The following GLB1 variants were observed in gnomAD, a reference collection of about 807,000 sequenced individuals.
GLB1 encodes the protein galactosidase beta 1.
Under a neutral mutation model 74.0 loss-of-function variants are expected in GLB1, and 56 were observed. The observed-to-expected ratio is 0.76, with a 90% confidence interval of 0.61 to 0.94. The LOEUF is 0.94. GLB1 is among the 40% of genes least tolerant of loss of function. The pLI is 0.00. For synonymous variants in GLB1, 323 were observed against 323.6 expected (o/e 1.00, Z 0.02); for missense variants, 787 against 845.5 (o/e 0.93, Z 0.86).
At chr3:32,990,685 C>T in the GLB1 span, among the ~76,000 whole-genome samples, 12 of 152,246 alleles carry the variant, frequency 7.9e-5, no homozygotes, top group East Asian at 2.1e-3. Context: ...TAAAAAGATC[C>T]TATTGCAGTC....
chr3:32,995,591 T>C (rs1696293555), downstream of GLB1, among the ~76,000 whole-genome samples: 1 of 152,050 alleles, frequency 6.6e-6, no homozygotes, highest in Non-Finnish European at 1.5e-5. Context: ...CAGATATTTA[T>C]TAGTTGTGCC....
At chr3:33,062,145 AC>A (rs1261170596) in intron 5 of GLB1, among the ~76,000 whole-genome samples, 2 of 152,210 alleles carry the variant, frequency 1.3e-5, no homozygotes, top group Non-Finnish European at 2.9e-5. Flanking sequence ...TAAGACAGAG[AC>A]AGAAATCAGC....
intron 2 of GLB1, 139 bp from the exon 3 acceptor site, chr3:33,069,109 G>T: frequency 1.4e-6 from 2 of 1,442,272 alleles, no homozygotes; most frequent in African/African-American, 1.4e-5. Context: ...ATTATCCAAG[G>T]CTGGGCACAG....
chr3:33,021,657 T>A lies in GLB1; in HGVS notation c.1144-2A>T, dbSNP rs1553607014. ...CAGAGCTGCTCCCACTGTCTTTAAC[T>A]GAAAAGAAACAAAAGCAGCATTCAC... On this transcript the variant is annotated splice_acceptor_variant, in intron 11 of 15. Transcript: ENST00000307363. LOFTEE classifies it high-confidence loss of function. The A allele has an allele frequency of 6.2e-7, 1 of 1,613,330 alleles. No homozygotes were observed. Among genetic ancestry groups the A allele is most frequent in the Admixed American group, 1.7e-5 (1 of 59,914 alleles).
the GLB1 span, among the ~76,000 whole-genome samples, chr3:32,984,016 A>G: frequency 6.6e-6 from 1 of 152,092 alleles, no homozygotes; most frequent in East Asian, 1.9e-4. Flanking sequence ...AGGATTTCCC[A>G]AGTTTAGGAT....
chr3:33,007,318 G>A (rs1045937224), intron 15 of GLB1, among the ~76,000 whole-genome samples: 11 of 152,222 alleles, frequency 7.2e-5, no homozygotes, highest in Middle Eastern at 3.4e-3. Context: ...AGAACATTTC[G>A]TCACTCCGTT....
chr3:33,034,108 A>G (rs997191496), intron 10 of GLB1: 11 of 596,764 alleles, frequency 1.8e-5, no homozygotes, highest in Non-Finnish European at 3.2e-6. Context: ...ATGATTGGAA[A>G]GTCATTATCT....
chr3:33,020,791 A>T (rs1048781559), intron 12 of GLB1, among the ~76,000 whole-genome samples: 10 of 152,198 alleles, frequency 6.6e-5, no homozygotes, highest in African/African-American at 2.4e-4. Flanking sequence ...TGATCATTGT[A>T]TTGTGGTTCT....
the GLB1 span, among the ~76,000 whole-genome samples, chr3:32,975,202 C>T: frequency 3.9e-5 from 6 of 152,276 alleles, no homozygotes; most frequent in African/African-American, 1.4e-4. Context: ...CCACCTCAGC[C>T]TCCTGAGTAG....
chr3:33,084,933 A>G (rs1475984144), intron 1 of GLB1, among the ~76,000 whole-genome samples: 2 of 152,198 alleles, frequency 1.3e-5, no homozygotes, highest in Admixed American at 1.3e-4. Context: ...TAGTAGGATA[A>G]AAGAAGTAAG....
At chr3:33,061,290 T>C (rs1699432543) in intron 5 of GLB1, among the ~76,000 whole-genome samples, 1 of 152,190 alleles carries the variant, frequency 6.6e-6, no homozygotes. Context: ...GGCAGGTGCC[T>C]GTAATCCCAG....
At chr3:32,980,736 A>G in the GLB1 span, among the ~76,000 whole-genome samples, 1 of 151,884 alleles carries the variant, frequency 6.6e-6, no homozygotes, top group African/African-American at 2.4e-5. Flanking sequence ...AGCCAAGATC[A>G]TGCCACTGCA....
intron 10 of GLB1, among the ~76,000 whole-genome samples, chr3:33,043,836 C>CAAAAAAACAA (rs1207279630): frequency 7.3e-5 from 1 of 13,690 alleles, no homozygotes; most frequent in Non-Finnish European, 1.7e-4. Context: ...AATAACAGAC[C>CAAAAAAACAA]AAAAAAAGAA....
chr3:33,087,545 C>T (rs1409453545), intron 1 of GLB1, among the ~76,000 whole-genome samples: 2 of 150,890 alleles, frequency 1.3e-5, no homozygotes, highest in East Asian at 2.0e-4. Context: ...ACTCCAGCCC[C>T]GGCGACAGAG....
chr3:33,050,656 T>C (rs975554730), intron 9 of GLB1, among the ~76,000 whole-genome samples: 27 of 152,136 alleles, frequency 1.8e-4, no homozygotes, highest in African/African-American at 6.0e-4. Context: ...TGCTAATGGG[T>C]ATGGAGTTTC....
chr3:33,015,153 C>T (rs1364283470), intron 14 of GLB1, among the ~76,000 whole-genome samples: 1 of 152,076 alleles, frequency 6.6e-6, no homozygotes, highest in Non-Finnish European at 1.5e-5. Flanking sequence ...GATCCTGTCT[C>T]AAGATGGAAT....
At chr3:33,013,388 C>A (rs1330591493) in intron 15 of GLB1, among the ~76,000 whole-genome samples, 1 of 152,130 alleles carries the variant, frequency 6.6e-6, no homozygotes, top group Non-Finnish European at 1.5e-5. Context: ...AGGGAAAGGA[C>A]CATGTTTGGT....
chr3:33,062,091 C>T (rs1355007955), intron 5 of GLB1, among the ~76,000 whole-genome samples: 2 of 152,188 alleles, frequency 1.3e-5, no homozygotes, highest in Non-Finnish European at 2.9e-5. Context: ...AAACCAGCAT[C>T]AAGAATTGAG....
intron 13 of GLB1, among the ~76,000 whole-genome samples, 163 bp downstream of exon 13, chr3:33,018,285 C>CAAAAAAAAAAAAAAAAA (rs57833238): frequency 1.2e-4 from 5 of 41,992 alleles, no homozygotes; most frequent in Non-Finnish European, 1.9e-4. Context: ...AACCCTGTCT[C>CAAAAAAAAAAAAAAAAA]AAAAAAAAAA....
Sources: allele counts gnomAD v4.1 joint callset (sites outside exome capture counted in the v4.1 genomes callset), GRCh38; gene constraint gnomAD v4.1.1; transcripts MANE v1.5; gene names NCBI Gene and HGNC (gene_info 2026-07-23, HGNC 2026-07-21).